Variants in ABCB7 observed in about 807,000 individuals in gnomAD.
ABCB7 encodes ATP binding cassette subfamily B member 7.
A neutral mutation model predicts 54.4 loss-of-function variants in ABCB7; 7 were observed. The ratio of observed to expected loss-of-function variants is 0.13; its 90% CI spans 0.07 to 0.24. ABCB7 has a LOEUF of 0.24. ABCB7 is among the 10% of genes least tolerant of loss of function. ABCB7 has a pLI of 1.00. For missense variants in ABCB7, 356 were observed against 570.4 expected (o/e 0.62, Z 3.83); for synonymous variants, 218 against 207.1 (o/e 1.05, Z -0.45).
chrX:75,109,155 T>A (rs1008944393), intron 3 of ABCB7, among the ~76,000 whole-genome samples: 1 of 112,013 alleles, frequency 8.9e-6, no homozygotes, highest in Non-Finnish European at 1.9e-5. Context: ...GAATTGACAG[T>A]GCTCAATTTG....
In ABCB7 at chrX:75,148,376, A is replaced by AC. The variant is rs200491997; in HGVS notation, c.168+7728dup. Among the ~76,000 whole-genome samples, 96 of 101,398 alleles carry AC rather than the reference A, an allele frequency of 9.5e-4. No individual in the cohort carries two copies. The South Asian group carries it at 0.019, about 20-fold the overall frequency. 88.1% of individuals were successfully genotyped at this position (101,398 alleles called of 115,157 possible). On this transcript the variant is annotated intron_variant, in intron 1 of 15. Coordinates refer to ENST00000373394, the MANE Select transcript of ABCB7 (RefSeq NM_001271696.3). The stretch of plus-strand genomic sequence containing the variant: ...TTTTGTTTGTTTTTTAGCATCCCAA[A>AC]CCCCCCCCCAACCCCCGAGGTAACC...
Position 75,155,979 on chromosome X carries a change from C to T in ABCB7, c.168+126G>A, listed in dbSNP as rs2082172289. ...TACTGACGTTAATTTCCTTCACTTA[C>T]TGCTGCTCCCAGTTAGCCATGACTT... On this transcript the variant is annotated intron_variant, in intron 1 of 15. Transcript: ENST00000373394. 4 of 782,430 alleles carry T rather than the reference C, an allele frequency of 5.1e-6. No homozygotes were observed. In the African/African-American group the frequency reaches 8.4e-5, roughly 16 times the overall value. The allele number at this position is 782,430 out of a possible 1,213,427, so 64.5% of individuals were successfully genotyped here. A position where few individuals can be genotyped will look rare whatever the true frequency, so the allele number is the denominator to read the frequency against.
intron 1 of ABCB7, among the ~76,000 whole-genome samples, chrX:75,118,892 C>T (rs988374911): frequency 4.5e-5 from 5 of 110,958 alleles, no homozygotes; most frequent in Non-Finnish European, 3.8e-5. Context: ...TAAAATGGGA[C>T]CCTTAATTTC....
In ABCB7 at chrX:75,091,397, TA is replaced by T. The variant is rs753235842; in HGVS notation, c.453+7544del. 3.3e-4 allele frequency among the ~76,000 whole-genome samples: 37 copies of T among 110,512 alleles called. No individual in the cohort carries two copies. In the East Asian group the frequency reaches 8.8e-3, roughly 26 times the overall value. On this transcript the variant is annotated intron_variant, in intron 4 of 15. Coordinates refer to ENST00000373394, the MANE Select transcript of ABCB7 (RefSeq NM_001271696.3). The stretch of plus-strand genomic sequence containing the variant: ...AAATCATTTAACAAAATCCAACACC[TA>T]TTCATTACAAAAACTCCCAGCAAAC...
chrX:75,072,063 A>G (rs1175671923), intron 8 of ABCB7, among the ~76,000 whole-genome samples: 1 of 111,793 alleles, frequency 8.9e-6, no homozygotes, highest in Non-Finnish European at 1.9e-5. Context: ...TCGGTACAGT[A>G]TAAAATTCTG....
intron 1 of ABCB7, among the ~76,000 whole-genome samples, chrX:75,138,173 G>A (rs2082025546): frequency 9.1e-6 from 1 of 110,057 alleles, no homozygotes; most frequent in Non-Finnish European, 1.9e-5. Context: ...AATTTAAAAA[G>A]ATAGATGTTA....
chrX:75,092,078 A>C (rs1203590096), intron 4 of ABCB7, among the ~76,000 whole-genome samples: 4 of 111,089 alleles, frequency 3.6e-5, no homozygotes, highest in African/African-American at 1.3e-4. Context: ...ACTGATCCTA[A>C]AGTTTATAAA....
intron 1 of ABCB7, among the ~76,000 whole-genome samples, chrX:75,137,677 C>T (rs1221295935): frequency 8.9e-6 from 1 of 112,437 alleles, no homozygotes; most frequent in Non-Finnish European, 1.9e-5. Context: ...GGTACATACA[C>T]ACTATGGAAT....
intron 1 of ABCB7, among the ~76,000 whole-genome samples, chrX:75,140,919 T>A (rs1469219995): frequency 8.9e-6 from 1 of 111,833 alleles, no homozygotes; most frequent in Non-Finnish European, 1.9e-5. Context: ...CTTCTTAATT[T>A]TACCCATGAG....
At chrX:75,130,654 C>T (rs1401488032) in intron 1 of ABCB7, among the ~76,000 whole-genome samples, 2 of 111,701 alleles carry the variant, frequency 1.8e-5, no homozygotes, top group Admixed American at 1.9e-4. Context: ...GCTGAAGTGG[C>T]TTTCCATAGG....
intron 1 of ABCB7, among the ~76,000 whole-genome samples, chrX:75,140,265 T>C (rs1373766154): frequency 1.8e-5 from 2 of 110,944 alleles, no homozygotes; most frequent in African/African-American, 3.3e-5. Context: ...CATTATATTG[T>C]AAAATAAATG....
At chrX:75,131,353 C>T (rs1328797636) in intron 1 of ABCB7, among the ~76,000 whole-genome samples, 8 of 110,248 alleles carry the variant, frequency 7.3e-5, no homozygotes, top group South Asian at 3.9e-4. Flanking sequence ...TGGGTCTGTT[C>T]GGTTTGTAAA....
chrX:75,063,517 G>T (rs1248337736), intron 13 of ABCB7, among the ~76,000 whole-genome samples: 1 of 110,681 alleles, frequency 9.0e-6, no homozygotes, highest in Admixed American at 9.7e-5. Flanking sequence ...TTATATTTAT[G>T]CTAGCCATAC....
chrX:75,104,037 T>C (rs1340506237), intron 3 of ABCB7, among the ~76,000 whole-genome samples: 8 of 97,170 alleles, frequency 8.2e-5, no homozygotes, highest in Non-Finnish European at 1.7e-4. Context: ...GGCATCCCTG[T>C]CTTGTTACAG....
At chrX:75,106,311 T>C (rs1266688555) in intron 3 of ABCB7, among the ~76,000 whole-genome samples, 3 of 110,350 alleles carry the variant, frequency 2.7e-5, no homozygotes, top group Middle Eastern at 4.3e-3. Context: ...CATGAACAGA[T>C]AGTTTTCAAA....
chrX:75,119,242 C>T (rs2081852416), intron 1 of ABCB7, among the ~76,000 whole-genome samples: 1 of 111,723 alleles, frequency 9.0e-6, no homozygotes, highest in Non-Finnish European at 1.9e-5. Flanking sequence ...TACAAGAAGG[C>T]ATGGAAATAA....
intron 4 of ABCB7, among the ~76,000 whole-genome samples, chrX:75,085,314 C>T (rs549033018): frequency 8.9e-6 from 1 of 112,256 alleles, no homozygotes; most frequent in South Asian, 3.7e-4. Flanking sequence ...ATGACCAAGA[C>T]ATCATGCTTA....
At chrX:75,111,562 T>C (rs530422181) in intron 3 of ABCB7, among the ~76,000 whole-genome samples, 1 of 112,205 alleles carries the variant, frequency 8.9e-6, no homozygotes, top group African/African-American at 3.2e-5. Flanking sequence ...ATCCAGGCAG[T>C]CTGGCTCCAG....
chrX:75,135,837 A>G, intron 1 of ABCB7, among the ~76,000 whole-genome samples: 1 of 111,211 alleles, frequency 9.0e-6, no homozygotes, highest in Non-Finnish European at 1.9e-5. Flanking sequence ...ATCTCAAAGT[A>G]ATGAGAGCCA....
Sources: allele counts gnomAD v4.1 joint callset (sites outside exome capture counted in the v4.1 genomes callset), GRCh38; gene constraint gnomAD v4.1.1; transcripts MANE v1.5; gene names NCBI Gene and HGNC (gene_info 2026-07-23, HGNC 2026-07-21).